The following BTBD1 variants were observed in gnomAD, a reference collection of about 807,000 sequenced individuals.
BTBD1 encodes the protein BTB domain containing 1.
Under a neutral mutation model 48.0 loss-of-function variants are expected in BTBD1, and 34 were observed. The ratio of observed to expected loss-of-function variants is 0.71; its 90% CI spans 0.54 to 0.94. The LOEUF is 0.94. BTBD1 is among the 40% of genes least tolerant of loss of function. The pLI is 0.00. For synonymous variants in BTBD1, 261 were observed against 242.1 expected (o/e 1.08, Z -0.72); for missense variants, 543 against 625.6 (o/e 0.87, Z 1.41).
chr15:83,034,204 T>A (rs1449271057), intron 4 of BTBD1, among the ~76,000 whole-genome samples: 1 of 152,132 alleles, frequency 6.6e-6, no homozygotes, highest in Non-Finnish European at 1.5e-5. Flanking sequence ...AGACTGAATT[T>A]TTTAAAAATG....
At position 83,018,837 on chromosome 15, in the gene BTBD1, T is replaced by A. The variant is rs754502749; in HGVS notation, c.1160A>T (p.Lys387Ile). 1 of 1,612,988 alleles carries A rather than the reference T, an allele frequency of 6.2e-7. No homozygotes were observed. The highest frequency in any genetic ancestry group is 1.1e-5 in the South Asian group (1 of 90,752). ...ATCATTCTGTCCCAGGGTTTGCTTT[T>A]TCTCATATTCAATGATCTGTAATTT... Reference protein sequence around the residue: ...QVNIQIIEYEKKQTLGQNDTG... With the variant: ...QVNIQIIEYEIKQTLGQNDTG... Residue 387 changes from lysine (K) to isoleucine (I), a missense_variant, in exon 7 of 8, where the codon AAA (lysine) becomes ATA (isoleucine). Physicochemically the swap from Lys to Ile is moderately radical, Grantham distance 102 (BLOSUM62 -3). This residue lies in a region of BTBD1 where 300 missense variants were observed against 350.0 expected (regional missense o/e 0.86). Coordinates refer to ENST00000261721, the MANE Select transcript of BTBD1 (RefSeq NM_025238.4).
Position 83,025,196 on chromosome 15 carries a change from A to C in BTBD1, c.1056-4434T>G, listed in dbSNP as rs866009349. On this transcript the variant is annotated intron_variant, in intron 5 of 7. Coordinates refer to ENST00000261721, the MANE Select transcript of BTBD1 (RefSeq NM_025238.4). ...TGGTGAAACCCAGTCTCTATTAAAA[A>C]TACAAAAACTAGCCAGGCATGGTGG... is the stretch of plus-strand genomic sequence containing the variant. Among the ~76,000 whole-genome samples the C allele has an allele frequency of 3.6e-4, 54 of 152,010 alleles. No homozygotes were observed. The Middle Eastern group carries it at 0.01, about 29-fold the overall frequency.
chr15:83,064,858 G>GT (rs1177731145), intron 1 of BTBD1, among the ~76,000 whole-genome samples: 4 of 152,084 alleles, frequency 2.6e-5, no homozygotes, highest in African/African-American at 4.8e-5. Context: ...AGCTTTTGAG[G>GT]TCCCCCCCCT....
intron 4 of BTBD1, among the ~76,000 whole-genome samples, chr15:83,032,841 G>A (rs2032545992): frequency 6.6e-6 from 1 of 151,850 alleles, no homozygotes; most frequent in South Asian, 2.1e-4. Flanking sequence ...GGGCGGTGGT[G>A]GGTGCCTGTG....
rs542077803 is a variant in BTBD1, at chr15:83,038,519, C to T, written c.862+3209G>A. 5.3e-5 allele frequency among the ~76,000 whole-genome samples: 8 copies of T among 152,204 alleles called. No homozygotes were observed. In the East Asian group the frequency reaches 1.4e-3, roughly 26 times the overall value. ...AATGCTATTTCTATCAAACTACCAA[C>T]ATCATTTTTCACAGAACTAGAAAAA... is the stretch of plus-strand genomic sequence containing the variant. On this transcript the variant is annotated intron_variant, in intron 4 of 7. Coordinates refer to ENST00000261721, the MANE Select transcript of BTBD1 (RefSeq NM_025238.4).
intron 4 of BTBD1, among the ~76,000 whole-genome samples, chr15:83,035,223 G>A (rs1453395290): frequency 6.6e-6 from 1 of 152,154 alleles, no homozygotes; most frequent in Non-Finnish European, 1.5e-5. Context: ...GACCCCAGGA[G>A]GCGGAGGTTA....
intron 3 of BTBD1, among the ~76,000 whole-genome samples, chr15:83,047,100 C>A (rs1024867177): frequency 6.6e-6 from 1 of 152,108 alleles, no homozygotes; most frequent in Non-Finnish European, 1.5e-5. Context: ...GAGTTGTACA[C>A]GAGACAAAGT....
intron 1 of BTBD1, among the ~76,000 whole-genome samples, chr15:83,058,695 A>G (rs2033127893): frequency 6.6e-6 from 1 of 152,102 alleles, no homozygotes; most frequent in South Asian, 2.1e-4. Flanking sequence ...GCCTTGATGT[A>G]TTTTTGTCAG....
At chr15:83,060,671 G>C (rs2151314801) in intron 1 of BTBD1, among the ~76,000 whole-genome samples, 1 of 152,236 alleles carries the variant, frequency 6.6e-6, no homozygotes, top group East Asian at 1.9e-4. Context: ...GCACACACCT[G>C]TAATCCCAGC....
rs1056402189 is a variant in BTBD1, at chr15:83,063,314, C to A, written c.401+3437G>T. ...TTAAATACCATTCACTCTTAACTTGCAAATTTATGTTCAGCAAGCTGTTCC... is the reference window on the plus strand; with the variant it reads ...TTAAATACCATTCACTCTTAACTTGAAAATTTATGTTCAGCAAGCTGTTCC... On this transcript the variant is annotated intron_variant, in intron 1 of 7. Transcript: ENST00000261721. 9.2e-5 allele frequency among the ~76,000 whole-genome samples: 14 copies of A among 152,286 alleles called. No homozygotes were observed. In the South Asian group the frequency reaches 2.9e-3, roughly 32 times the overall value.
At chr15:83,030,471 T>C (rs920846848) in intron 4 of BTBD1, 143 bp from the exon 5 acceptor site, 13 of 657,472 alleles carry the variant, frequency 2.0e-5, no homozygotes, top group Non-Finnish European at 3.1e-5. Flanking sequence ...TTTTTGCATA[T>C]ATTTTAAGGT....
At chr15:83,039,513 C>G (rs145814938) in intron 4 of BTBD1, among the ~76,000 whole-genome samples, 146 of 152,238 alleles carry the variant, frequency 9.6e-4, no homozygotes, top group African/African-American at 3.5e-3. Flanking sequence ...TGGCTCATGT[C>G]TGTAATCCCA....
At position 83,020,733 on chromosome 15, in the gene BTBD1, A is replaced by G; in HGVS notation, c.1085T>C (p.Val362Ala). ...AATAGATCCATACAAGCCAAATCCAACTATAGAGATCCTTCTATTAACTGT... is the reference window on the plus strand; with the variant it reads ...AATAGATCCATACAAGCCAAATCCAGCTATAGAGATCCTTCTATTAACTGT... ...RFTVNRRISI[V>A]GFGLYGSIHG... The change falls in exon 6 of 8, where the codon GTT becomes GCT. Residue 362 changes from valine (V) to alanine (A), a missense_variant. Physicochemically the swap from Val to Ala is moderately conservative, Grantham distance 64. This residue lies in a region of BTBD1 where 300 missense variants were observed against 350.0 expected (regional missense o/e 0.86). Transcript: ENST00000261721. 1.2e-6 allele frequency: 2 copies of G among 1,606,788 alleles called. No homozygotes were observed. Among genetic ancestry groups the G allele is most frequent in the Non-Finnish European group, 1.7e-6 (2 of 1,173,842 alleles).
At chr15:83,039,092 G>A (rs2032686477) in intron 4 of BTBD1, among the ~76,000 whole-genome samples, 1 of 151,564 alleles carries the variant, frequency 6.6e-6, no homozygotes, top group South Asian at 2.1e-4. Flanking sequence ...CCAACAAATG[G>A]ACAACCTATA....
At chr15:83,047,170 CAG>C (rs1567109775) in intron 3 of BTBD1, among the ~76,000 whole-genome samples, 1 of 152,124 alleles carries the variant, frequency 6.6e-6, no homozygotes, top group East Asian at 1.9e-4. Context: ...CATATATATA[CAG>C]AGACAAATAC....
Position 83,067,249 on chromosome 15 carries a change from A to G in BTBD1, c.-98T>C, listed in dbSNP as rs2033304451. 1 of 1,235,620 alleles carries G rather than the reference A, an allele frequency of 8.1e-7. No homozygotes were observed. Among genetic ancestry groups the G allele is most frequent in the Non-Finnish European group, 1.0e-6 (1 of 967,050 alleles). 76.5% of individuals were successfully genotyped at this position (1,235,620 alleles called of 1,614,324 possible). A position where few individuals can be genotyped will look rare whatever the true frequency, so the allele number is the denominator to read the frequency against. ...GCGCTGCCTCCCTGCCTTCCGGGAA[A>G]GGCGCTTCCGGGGGCCTCGCGCCTC... On this transcript the variant is annotated 5_prime_UTR_variant, in exon 1 of 8. Coordinates refer to ENST00000261721, the MANE Select transcript of BTBD1 (RefSeq NM_025238.4).
chr15:83,052,516 A>G (rs1314286949), intron 2 of BTBD1, among the ~76,000 whole-genome samples: 2 of 152,110 alleles, frequency 1.3e-5, no homozygotes, highest in Admixed American at 6.6e-5. Context: ...ACTTGCCCCA[A>G]CGTTTTTTAA....
intron 6 of BTBD1, among the ~76,000 whole-genome samples, chr15:83,019,709 C>T (rs1348483443): frequency 6.6e-6 from 1 of 150,452 alleles, no homozygotes. Context: ...ATTCTCCTAT[C>T]TCAGCCTCCC....
At chr15:83,040,789 A>C (rs958623121) in intron 4 of BTBD1, among the ~76,000 whole-genome samples, 1 of 151,822 alleles carries the variant, frequency 6.6e-6, no homozygotes, top group African/African-American at 2.4e-5. Flanking sequence ...GTCAATTATG[A>C]CCTGGGTAAT....
Sources: allele counts gnomAD v4.1 joint callset (sites outside exome capture counted in the v4.1 genomes callset), GRCh38; gene constraint gnomAD v4.1.1; regional missense constraint gnomAD v4.1.1; transcripts MANE v1.5; gene names NCBI Gene and HGNC (gene_info 2026-07-23, HGNC 2026-07-21).